ADAM28: variants seen among roughly 807,000 people sequenced by gnomAD.
ADAM28 encodes ADAM metallopeptidase domain 28.
Under a neutral mutation model 101.2 loss-of-function variants are expected in ADAM28, and 105 were observed. The ratio of observed to expected loss-of-function variants is 1.04; its 90% CI spans 0.89 to 1.22. The LOEUF (loss-of-function observed/expected upper bound fraction) is 1.22, where lower values mean the gene tolerates loss of function less well. ADAM28 is among the 50% of genes most tolerant of loss of function. The pLI is 0.00. For missense variants in ADAM28, 1,028 were observed against 945.4 expected (o/e 1.09, Z -1.15); for synonymous variants, 322 against 310.6 (o/e 1.04, Z -0.39).
intron 9 of ADAM28, among the ~76,000 whole-genome samples, chr8:24,324,475 A>G (rs1812285544): frequency 6.6e-6 from 1 of 152,062 alleles, no homozygotes; most frequent in Non-Finnish European, 1.5e-5. Context: ...GCCTCAAAAC[A>G]TTCAAGAAAA....
At chr8:24,301,327 ACTTT>A (rs1808731225) in intron 2 of ADAM28, among the ~76,000 whole-genome samples, 1 of 152,122 alleles carries the variant, frequency 6.6e-6, no homozygotes, top group Admixed American at 6.5e-5. Flanking sequence ...GCTCTCTAAG[ACTTT>A]CTTTAAAATG....
chr8:24,343,407 G>C, intron 17 of ADAM28, 99 bp from the exon 18 acceptor site: 2 of 1,250,632 alleles, frequency 1.6e-6, no homozygotes, highest in Non-Finnish European at 2.3e-6. Context: ...TGGAGACTGG[G>C]GTTATTCCTT....
chr8:24,342,058 A>G (rs1283429380), intron 16 of ADAM28, among the ~76,000 whole-genome samples: 3 of 152,238 alleles, frequency 2.0e-5, no homozygotes, highest in Non-Finnish European at 4.4e-5. Context: ...GATAACACAC[A>G]GTAGCATCCG....
chr8:24,298,426 C>T (rs531313546), intron 1 of ADAM28, among the ~76,000 whole-genome samples: 2 of 151,794 alleles, frequency 1.3e-5, no homozygotes, highest in African/African-American at 2.4e-5. Context: ...TTTTAAAAAA[C>T]GCTGTTTTTT....
intron 13 of ADAM28, among the ~76,000 whole-genome samples, chr8:24,333,335 C>T (rs1469818917): frequency 6.6e-6 from 1 of 152,204 alleles, no homozygotes; most frequent in African/African-American, 2.4e-5. Flanking sequence ...TCACCACACA[C>T]ACACCCACAC....
intron 4 of ADAM28, among the ~76,000 whole-genome samples, chr8:24,310,859 T>G (rs1810362543): frequency 6.6e-6 from 1 of 152,116 alleles, no homozygotes; most frequent in South Asian, 2.1e-4. Context: ...GAAAAAATGT[T>G]AAGAAGGGCA....
chr8:24,313,666 G>A, intron 6 of ADAM28, 86 bp downstream of exon 6: 2 of 1,389,056 alleles, frequency 1.4e-6, no homozygotes, highest in Non-Finnish European at 9.8e-7. Flanking sequence ...TGAAACTATA[G>A]TCATTGTCAA....
intron 16 of ADAM28, 106 bp from the exon 17 acceptor site, chr8:24,342,995 G>C (rs1389901814): frequency 1.3e-6 from 2 of 1,531,588 alleles, no homozygotes; most frequent in Admixed American, 3.9e-5. Flanking sequence ...TCAGCCTCCT[G>C]GCAGAGCCAC....
At position 24,349,929 on chromosome 8, in the gene ADAM28, A is replaced by G; in HGVS notation, c.2056A>G (p.Ile686Val). ...AVIFVVVAMV[I>V]RHQSSREKQK... The stretch of plus-strand genomic sequence containing the variant: ...CATTTTTGTGGTGGTTGCTATGGTA[A>G]TCCGGCACCAGAGCTCCAGAGAAAA... The change falls in exon 19 of 23, where the codon ATC becomes GTC. Residue 686 changes from isoleucine (I) to valine (V), a missense_variant. Ile to Val is a conservative substitution (Grantham distance 29). Coordinates refer to ENST00000265769, the MANE Select transcript of ADAM28 (RefSeq NM_014265.6). 1 of 1,613,668 alleles carries G rather than the reference A, an allele frequency of 6.2e-7. No individual in the cohort carries two copies. The highest frequency in any genetic ancestry group is 2.2e-5 in the East Asian group (1 of 44,812).
intron 21 of ADAM28, among the ~76,000 whole-genome samples, chr8:24,352,325 A>G (rs1816257886): frequency 6.6e-6 from 1 of 152,194 alleles, no homozygotes; most frequent in South Asian, 2.1e-4. Flanking sequence ...TAACTAAATT[A>G]ACATAGATTG....
At chr8:24,301,793 C>A (rs901828629) in intron 2 of ADAM28, among the ~76,000 whole-genome samples, 4 of 152,148 alleles carry the variant, frequency 2.6e-5, no homozygotes, top group Non-Finnish European at 4.4e-5. Context: ...GGCTTTCTGG[C>A]CATTAAGGTA....
intron 1 of ADAM28, among the ~76,000 whole-genome samples, chr8:24,297,345 T>C (rs1028547437): frequency 2.0e-5 from 3 of 152,146 alleles, no homozygotes; most frequent in African/African-American, 7.2e-5. Flanking sequence ...ACTAGAAGCA[T>C]AGAGGTCAGG....
chr8:24,331,286 TTGG>T lies in ADAM28; in HGVS notation c.1244_1246del (p.Val415del). 1 of 1,612,636 alleles carries T rather than the reference TTGG, an allele frequency of 6.2e-7. No homozygotes were observed. The highest frequency in any genetic ancestry group is 8.5e-7 in the Non-Finnish European group (1 of 1,179,282). ...ATCCACTCCAATTTGTGGGAACCAG[TTGG>T]TGGAAATGGGAGAGGACTGTGATTG... On this transcript the variant is annotated inframe_deletion, in exon 12 of 23. Coordinates refer to ENST00000265769, the MANE Select transcript of ADAM28 (RefSeq NM_014265.6).
intron 8 of ADAM28, among the ~76,000 whole-genome samples, chr8:24,321,976 A>G (rs1443260922): frequency 6.6e-6 from 1 of 151,960 alleles, no homozygotes; most frequent in Non-Finnish European, 1.5e-5. Context: ...TTTGAAATGA[A>G]TGAGTCTCTT....
At chr8:24,335,375 G>A in intron 13 of ADAM28, 71 bp from the exon 14 acceptor site, 1 of 1,465,074 alleles carries the variant, frequency 6.8e-7, no homozygotes. Context: ...GAAAATATTT[G>A]TGTTAATTTG....
chr8:24,310,151 T>C lies in ADAM28; in HGVS notation c.228-12T>C. ...ACAAGTAACCACAACATTTTTGTGT[T>C]TCTTTCTCCAGGAACCTCCTTGCAC... On this transcript the variant is annotated splice_polypyrimidine_tract_variant and intron_variant, in intron 3 of 22. Coordinates refer to ENST00000265769, the MANE Select transcript of ADAM28 (RefSeq NM_014265.6). The C allele has an allele frequency of 6.2e-7, 1 of 1,612,812 alleles. No homozygotes were observed. The highest frequency in any genetic ancestry group is 8.5e-7 in the Non-Finnish European group (1 of 1,179,214).
At chr8:24,343,052 A>G in intron 16 of ADAM28, 49 bp from the exon 17 acceptor site, 1 of 1,611,970 alleles carries the variant, frequency 6.2e-7, no homozygotes, top group East Asian at 2.2e-5. Flanking sequence ...CAACTTTCTC[A>G]TCTACGTTCA....
chr8:24,315,637 G>A (rs1811065283), intron 6 of ADAM28, among the ~76,000 whole-genome samples: 1 of 151,844 alleles, frequency 6.6e-6, no homozygotes, highest in Admixed American at 6.6e-5. Flanking sequence ...GAGACAGAAG[G>A]TGTACTGCTT....
At chr8:24,322,642 C>T (rs1215288937) in intron 8 of ADAM28, 1 of 151,922 alleles carries the variant, frequency 6.6e-6, no homozygotes, top group Non-Finnish European at 1.5e-5. Flanking sequence ...TGCTTTTAAC[C>T]AGGATTGGAG....
Sources: allele counts gnomAD v4.1 joint callset (sites outside exome capture counted in the v4.1 genomes callset), GRCh38; gene constraint gnomAD v4.1.1; transcripts MANE v1.5; gene names NCBI Gene and HGNC (gene_info 2026-07-23, HGNC 2026-07-21).